The following CACNA2D1 variants were observed in gnomAD, a reference collection of about 807,000 sequenced individuals.
CACNA2D1 encodes voltage-dependent calcium channel subunit alpha-2/delta-1.
Under a neutral mutation model 171.5 loss-of-function variants are expected in CACNA2D1, and 53 were observed. The ratio of observed to expected loss-of-function variants is 0.31; its 90% CI spans 0.25 to 0.39. The LOEUF (loss-of-function observed/expected upper bound fraction) is 0.39. Among genes scored for constraint, CACNA2D1 ranks in the 10% least tolerant of loss-of-function variants. The pLI, the probability that CACNA2D1 is intolerant of heterozygous loss-of-function variation, is 1.00. For synonymous variants in CACNA2D1, 442 were observed against 443.1 expected (o/e 1.00, Z 0.03); for missense variants, 903 against 1,299.8 (o/e 0.69, Z 4.69).
chr7:82,185,215 T>C (rs1797539063), intron 3 of CACNA2D1, among the ~76,000 whole-genome samples: 1 of 151,892 alleles, frequency 6.6e-6, no homozygotes. Flanking sequence ...TCCCTCAGCC[T>C]TTATTTAATT....
At chr7:82,270,167 C>T (rs1042812995) in intron 3 of CACNA2D1, among the ~76,000 whole-genome samples, 6 of 152,156 alleles carry the variant, frequency 3.9e-5, no homozygotes, top group African/African-American at 9.7e-5. Flanking sequence ...CTGACATGCA[C>T]TGTTAATCTT....
chr7:82,096,853 G>T (rs1043002864), intron 6 of CACNA2D1, among the ~76,000 whole-genome samples: 3 of 151,612 alleles, frequency 2.0e-5, no homozygotes. Context: ...TCTTCATAAG[G>T]CTCTTAAAAT....
chr7:82,012,944 T>A (rs1484230119), intron 14 of CACNA2D1, among the ~76,000 whole-genome samples: 3 of 152,216 alleles, frequency 2.0e-5, no homozygotes, highest in Middle Eastern at 3.4e-3. Flanking sequence ...CAAAAAGTTA[T>A]TTAACAGGCA....
chr7:82,060,172 ATATATAATATATATATATTATATATATAT>A (rs1452101220), intron 10 of CACNA2D1, among the ~76,000 whole-genome samples: 2,603 of 35,530 alleles, frequency 0.073, 433 homozygotes, highest in African/African-American at 0.2. Flanking sequence ...TATAATATAT[ATATATAATATATATATATTATATATATAT>A]TATATATATA....
At chr7:82,350,363 C>T (rs959197123) in intron 1 of CACNA2D1, among the ~76,000 whole-genome samples, 11 of 152,104 alleles carry the variant, frequency 7.2e-5, no homozygotes, top group African/African-American at 2.7e-4. Context: ...GAGCCTGAAG[C>T]TTAAGAATAT....
At chr7:82,396,581 G>T (rs575180922) in intron 1 of CACNA2D1, among the ~76,000 whole-genome samples, 1 of 152,092 alleles carries the variant, frequency 6.6e-6, no homozygotes. Flanking sequence ...ACTTCTTTAC[G>T]TCTAAATAGC....
At chr7:82,189,073 C>A (rs556664989) in intron 3 of CACNA2D1, among the ~76,000 whole-genome samples, 1 of 152,104 alleles carries the variant, frequency 6.6e-6, no homozygotes, top group East Asian at 1.9e-4. Context: ...GGGTGCTATG[C>A]TTATTACTTG....
At chr7:82,380,366 A>T (rs2129449243) in intron 1 of CACNA2D1, among the ~76,000 whole-genome samples, 1 of 152,264 alleles carries the variant, frequency 6.6e-6, no homozygotes, top group East Asian at 1.9e-4. Context: ...ATAGAGGAAA[A>T]AATCCTATGA....
At chr7:82,177,105 G>C (rs1273448137) in intron 3 of CACNA2D1, among the ~76,000 whole-genome samples, 10 of 144,214 alleles carry the variant, frequency 6.9e-5, no homozygotes, top group African/African-American at 1.0e-4. Context: ...GTTGGGGGGC[G>C]GGCTGGAGGG....
chr7:82,228,628 T>C (rs1166480556), intron 3 of CACNA2D1, among the ~76,000 whole-genome samples: 4 of 152,188 alleles, frequency 2.6e-5, no homozygotes, highest in Non-Finnish European at 5.9e-5. Context: ...GAGCTTTAGT[T>C]TTCTAATCTT....
At chr7:82,415,624 G>A (rs887927344) in intron 1 of CACNA2D1, among the ~76,000 whole-genome samples, 3 of 152,082 alleles carry the variant, frequency 2.0e-5, no homozygotes, top group East Asian at 1.9e-4. Context: ...GGTAGGTTAT[G>A]TATGACTCTT....
intron 32 of CACNA2D1, 105 bp from the exon 33 acceptor site, chr7:81,964,464 A>G: frequency 1.2e-6 from 1 of 867,284 alleles, no homozygotes; most frequent in Non-Finnish European, 1.8e-6. Context: ...AAGAAACTGA[A>G]CTACAACTGA....
At chr7:82,434,075 T>TGGAGGCAGA (rs1291490299) in intron 1 of CACNA2D1, among the ~76,000 whole-genome samples, 1 of 152,158 alleles carries the variant, frequency 6.6e-6, no homozygotes, top group Non-Finnish European at 1.5e-5. Flanking sequence ...CCATGAGCAC[T>TGGAGGCAGA]GGAGGCAGAT....
intron 1 of CACNA2D1, among the ~76,000 whole-genome samples, chr7:82,366,421 A>G (rs369116957): frequency 1.3e-5 from 2 of 152,254 alleles, no homozygotes; most frequent in South Asian, 2.1e-4. Flanking sequence ...TTCAATCTTT[A>G]TAACCATGTG....
At chr7:82,124,029 A>G (rs994286555) in intron 5 of CACNA2D1, among the ~76,000 whole-genome samples, 2 of 152,148 alleles carry the variant, frequency 1.3e-5, no homozygotes, top group African/African-American at 4.8e-5. Context: ...TTATTTTAGA[A>G]GCAAAAAGAA....
chr7:82,380,109 A>G (rs1374876969), intron 1 of CACNA2D1, among the ~76,000 whole-genome samples: 1 of 152,142 alleles, frequency 6.6e-6, no homozygotes, highest in Non-Finnish European at 1.5e-5. Flanking sequence ...CTATTTTCAA[A>G]CTATAATTGT....
intron 1 of CACNA2D1, among the ~76,000 whole-genome samples, chr7:82,374,033 C>A (rs1822729977): frequency 6.6e-6 from 1 of 152,164 alleles, no homozygotes; most frequent in African/African-American, 2.4e-5. Flanking sequence ...CTGTTGCCAG[C>A]TAAAGGTTGA....
At chr7:82,299,903 C>T (rs1048868257) in intron 3 of CACNA2D1, among the ~76,000 whole-genome samples, 3 of 152,088 alleles carry the variant, frequency 2.0e-5, no homozygotes, top group Non-Finnish European at 2.9e-5. Context: ...ATTTATAGAA[C>T]ACCCACTATA....
chr7:82,284,477 G>C (rs927084674), intron 3 of CACNA2D1, among the ~76,000 whole-genome samples: 1 of 152,112 alleles, frequency 6.6e-6, no homozygotes, highest in Non-Finnish European at 1.5e-5. Flanking sequence ...AAATACCCTA[G>C]ACTGAGTCAT....
Sources: allele counts gnomAD v4.1 joint callset (sites outside exome capture counted in the v4.1 genomes callset), GRCh38; gene constraint gnomAD v4.1.1; transcripts MANE v1.5; gene names NCBI Gene and HGNC (gene_info 2026-07-23, HGNC 2026-07-21).